Variants in ADAMTS17 observed in about 807,000 individuals in gnomAD.
The protein encoded by ADAMTS17 is ADAM metallopeptidase with thrombospondin type 1 motif 17, also known as A disintegrin and metalloproteinase with thrombospondin motifs 17.
A neutral mutation model predicts 141.5 loss-of-function variants in ADAMTS17; 113 were observed. The observed-to-expected ratio is 0.80, with a 90% confidence interval of 0.69 to 0.93. ADAMTS17 has a LOEUF of 0.93. Among genes scored for constraint, ADAMTS17 ranks in the 40% least tolerant of loss-of-function variants. ADAMTS17 has a pLI of 0.00. For missense variants in ADAMTS17, 1,659 were observed against 1,517.9 expected (o/e 1.09, Z -1.54); for synonymous variants, 768 against 630.6 (o/e 1.22, Z -3.27).
intron 15 of ADAMTS17, among the ~76,000 whole-genome samples, chr15:100,057,962 A>T (rs1249848496): frequency 6.6e-6 from 1 of 151,822 alleles, no homozygotes; most frequent in Non-Finnish European, 1.5e-5. Context: ...AGGTTGGGTT[A>T]AAAAAAAGCT....
intron 7 of ADAMTS17, among the ~76,000 whole-genome samples, chr15:100,243,719 G>A (rs1416580463): frequency 1.3e-5 from 2 of 151,188 alleles, no homozygotes; most frequent in African/African-American, 4.9e-5. Context: ...GAACCCGGGA[G>A]GCAGAGGTTG....
intron 7 of ADAMTS17, among the ~76,000 whole-genome samples, chr15:100,240,089 C>G (rs536162701): frequency 6.6e-6 from 1 of 152,288 alleles, no homozygotes; most frequent in African/African-American, 2.4e-5. Context: ...ATGGGGGGAT[C>G]CAATCATCAC....
chr15:100,123,167 G>A (rs138759215), intron 12 of ADAMTS17, among the ~76,000 whole-genome samples: 82 of 152,276 alleles, frequency 5.4e-4, no homozygotes, highest in African/African-American at 1.9e-3. Context: ...CGGGGCCAGC[G>A]AGTGCAGCAG....
chr15:100,232,690 C>G (rs769103898), intron 7 of ADAMTS17, among the ~76,000 whole-genome samples: 10 of 152,222 alleles, frequency 6.6e-5, no homozygotes, highest in Admixed American at 1.3e-4. Context: ...AGTTATGTGA[C>G]CCCACCAAGC....
At chr15:100,075,919 T>C (rs1468910384) in intron 15 of ADAMTS17, among the ~76,000 whole-genome samples, 1 of 152,224 alleles carries the variant, frequency 6.6e-6, no homozygotes, top group Non-Finnish European at 1.5e-5. Flanking sequence ...TGTGATGGAT[T>C]CAGTGACCTC....
At position 100,051,334 on chromosome 15, in the gene ADAMTS17, G is replaced by A. The variant is rs114344418; in HGVS notation, c.2455+238C>T. On this transcript the variant is annotated intron_variant, in intron 17 of 21. Transcript: ENST00000268070. Reference sequence around the variant, plus strand: ...CAGCCAAACCCCGCTTCACCCATAGGTCAGAGCTGTGGGGCCCTGGGCCCC... The same window carrying A: ...CAGCCAAACCCCGCTTCACCCATAGATCAGAGCTGTGGGGCCCTGGGCCCC... Among the ~76,000 whole-genome samples, 1,222 of 152,294 alleles carry A rather than the reference G, an allele frequency of 8.0e-3. 15 individuals are homozygous for A. Among genetic ancestry groups the A allele is most frequent in the African/African-American group, 0.028 (1,183 of 41,564 alleles).
chr15:100,297,798 A>C (rs1367539023), intron 3 of ADAMTS17, among the ~76,000 whole-genome samples: 2 of 152,338 alleles, frequency 1.3e-5, no homozygotes, highest in East Asian at 1.9e-4. Flanking sequence ...AGGAATCATC[A>C]GTTCCAGACG....
intron 4 of ADAMTS17, among the ~76,000 whole-genome samples, chr15:100,280,612 C>T (rs1452598612): frequency 6.6e-6 from 1 of 152,168 alleles, no homozygotes; most frequent in Non-Finnish European, 1.5e-5. Flanking sequence ...ACCCTTATGG[C>T]TCCCCGTTCC....
At chr15:100,083,735 A>G (rs1441910302) in intron 15 of ADAMTS17, among the ~76,000 whole-genome samples, 1 of 149,920 alleles carries the variant, frequency 6.7e-6, no homozygotes, top group Non-Finnish European at 1.5e-5. Flanking sequence ...ATCCCCAGGC[A>G]GTTGTGTGGT....
intron 13 of ADAMTS17, among the ~76,000 whole-genome samples, chr15:100,110,236 A>C (rs950992195): frequency 7.2e-6 from 1 of 139,592 alleles, no homozygotes; most frequent in South Asian, 2.3e-4. Context: ...TATTTATATA[A>C]ATATATATAT....
intron 18 of ADAMTS17, among the ~76,000 whole-genome samples, chr15:100,024,168 G>C (rs1168325503): frequency 6.6e-6 from 1 of 152,146 alleles, no homozygotes; most frequent in East Asian, 1.9e-4. Flanking sequence ...ATTCAGCTCA[G>C]TACAGCCTCG....
At chr15:100,311,878 G>A (rs1367168306) in intron 3 of ADAMTS17, among the ~76,000 whole-genome samples, 1 of 152,132 alleles carries the variant, frequency 6.6e-6, no homozygotes, top group African/African-American at 2.4e-5. Context: ...GCTTAGACTC[G>A]TGGGAGAAAA....
chr15:100,287,772 G>C (rs896462297), intron 3 of ADAMTS17, among the ~76,000 whole-genome samples: 1 of 152,132 alleles, frequency 6.6e-6, no homozygotes, highest in Non-Finnish European at 1.5e-5. Context: ...AGCTTCATAC[G>C]TGAAAGAGAA....
intron 8 of ADAMTS17, among the ~76,000 whole-genome samples, chr15:100,164,944 C>T (rs921884872): frequency 2.0e-5 from 3 of 152,194 alleles, no homozygotes; most frequent in African/African-American, 4.8e-5. Context: ...CCATGTGTTG[C>T]TCTCCATAGG....
At chr15:100,101,586 G>A (rs1236347845) in intron 14 of ADAMTS17, among the ~76,000 whole-genome samples, 1 of 152,208 alleles carries the variant, frequency 6.6e-6, no homozygotes, top group Non-Finnish European at 1.5e-5. Context: ...AGCACATAGA[G>A]GACTGTGTCT....
At chr15:100,055,686 T>C (rs1240058537) in intron 15 of ADAMTS17, among the ~76,000 whole-genome samples, 2 of 152,178 alleles carry the variant, frequency 1.3e-5, no homozygotes, top group Admixed American at 1.3e-4. Context: ...AACTGAACTG[T>C]CCTGGCTATG....
In ADAMTS17 at chr15:100,300,398, C is replaced by A. The variant is rs147900571; in HGVS notation, c.617-18997G>T. On this transcript the variant is annotated intron_variant, in intron 3 of 21. Transcript: ENST00000268070. ...ATGCCAAGGACCCTTCAGAGCAAAACGACCTGCCCAGAAAATGCAGTCACC... is the reference window on the plus strand; with the variant it reads ...ATGCCAAGGACCCTTCAGAGCAAAAAGACCTGCCCAGAAAATGCAGTCACC... Among the ~76,000 whole-genome samples, 1,493 of 152,214 alleles carry A rather than the reference C, an allele frequency of 9.8e-3. 45 individuals carry two copies. Among genetic ancestry groups the A allele is most frequent in the Admixed American group, 0.039 (590 of 15,294 alleles).
At chr15:100,137,544 G>A (rs1809617564) in intron 10 of ADAMTS17, among the ~76,000 whole-genome samples, 1 of 152,176 alleles carries the variant, frequency 6.6e-6, no homozygotes, top group South Asian at 2.1e-4. Context: ...GGTGACTGAT[G>A]GATGAACCTT....
In ADAMTS17 at chr15:100,169,424, G is replaced by A. The variant is rs560276593; in HGVS notation, c.1182-14104C>T. Among the ~76,000 whole-genome samples, 64 of 152,274 alleles carry A rather than the reference G, an allele frequency of 4.2e-4. 1 individual carries two copies. Among genetic ancestry groups the A allele is most frequent in the Non-Finnish European group, 1.0e-4 (7 of 68,016 alleles). On this transcript the variant is annotated intron_variant, in intron 8 of 21. Coordinates refer to ENST00000268070, the MANE Select transcript of ADAMTS17 (RefSeq NM_139057.4). The stretch of plus-strand genomic sequence containing the variant: ...CATGCCCACCAAGTGGGGAGTACCT[G>A]GGAAAGAGAACTGTTTTCAATGTGA...
Sources: gnomAD v4.1 joint callset for allele counts (sites outside exome capture counted in the v4.1 genomes callset) on GRCh38, gnomAD v4.1.1 for gene constraint, MANE v1.5 for transcripts, NCBI Gene and HGNC (gene_info 2026-07-23, HGNC 2026-07-21) for gene names.